The following DPYD variants were observed in gnomAD, a reference collection of about 807,000 sequenced individuals.
DPYD encodes the protein dihydropyrimidine dehydrogenase, also known as dihydropyrimidine dehydrogenase [NADP(+)].
In DPYD, 109 loss-of-function variants were observed where a neutral mutation model predicts 116.2. The observed-to-expected ratio is 0.94, with a 90% CI of 0.80 to 1.10. The LOEUF (loss-of-function observed/expected upper bound fraction) is 1.10. DPYD is among the 50% of genes least tolerant of loss of function. DPYD has a pLI of 0.00. For synonymous variants in DPYD, 440 were observed against 432.0 expected (o/e 1.02, Z -0.23); for missense variants, 1,302 against 1,254.5 (o/e 1.04, Z -0.57).
chr1:97,912,192 T>C (rs1673975466), intron 1 of DPYD, among the ~76,000 whole-genome samples: 1 of 150,538 alleles, frequency 6.6e-6, no homozygotes, highest in Non-Finnish European at 1.5e-5. Context: ...AGTTGAAGCA[T>C]GCAAACGAGA....
chr1:97,690,436 T>C lies in DPYD; in HGVS notation c.762+1281A>G, dbSNP rs367642506. 1.6e-4 allele frequency among the ~76,000 whole-genome samples: 24 copies of C among 151,964 alleles called. No individual in the cohort carries two copies. In the East Asian group the frequency reaches 2.7e-3, roughly 17 times the overall value. ...AAATAAAGCCTAATTTCTTTTTTCA[T>C]TTTTTATTAATATATAATAATTTTA... is the stretch of plus-strand genomic sequence containing the variant. On this transcript the variant is annotated intron_variant, in intron 7 of 22. Transcript: ENST00000370192.
intron 22 of DPYD, among the ~76,000 whole-genome samples, chr1:97,080,816 A>C (rs2101553496): frequency 6.6e-6 from 1 of 152,260 alleles, no homozygotes; most frequent in South Asian, 2.1e-4. Context: ...AGAATCAAAG[A>C]ACTTTCTAAG....
intron 13 of DPYD, among the ~76,000 whole-genome samples, chr1:97,467,571 G>C (rs1677403514): frequency 6.6e-6 from 1 of 152,148 alleles, no homozygotes; most frequent in African/African-American, 2.4e-5. Flanking sequence ...TGAGTTGCCT[G>C]ATCTTCTTTG....
At chr1:97,399,267 C>T (rs1415772767) in intron 14 of DPYD, among the ~76,000 whole-genome samples, 1 of 152,002 alleles carries the variant, frequency 6.6e-6, no homozygotes, top group African/African-American at 2.4e-5. Flanking sequence ...AGATGTGTGG[C>T]ATTATTTCTG....
intron 18 of DPYD, among the ~76,000 whole-genome samples, chr1:97,247,733 T>C (rs1034596248): frequency 1.3e-5 from 2 of 152,112 alleles, no homozygotes; most frequent in African/African-American, 4.8e-5. Flanking sequence ...AGCAATGTCA[T>C]ACAATAAACT....
intron 18 of DPYD, among the ~76,000 whole-genome samples, chr1:97,287,779 G>A (rs1207127989): frequency 1.1e-4 from 16 of 152,052 alleles, no homozygotes; most frequent in Non-Finnish European, 1.5e-4. Context: ...TAAGCCTGTC[G>A]GAAACTCTCA....
intron 18 of DPYD, among the ~76,000 whole-genome samples, chr1:97,272,576 C>T (rs553186978): frequency 1.2e-4 from 19 of 152,082 alleles, no homozygotes; most frequent in Non-Finnish European, 2.2e-4. Context: ...ACTATAATTA[C>T]ATATATTCAA....
rs140545552 is a variant in DPYD, at chr1:97,132,818, T to C, written c.2623-34186A>G. ...TAAGCAATGATGAAGAGAACTTCTA[T>C]ATGCACATTAAAATATATTTTGGAT... On this transcript the variant is annotated intron_variant, in intron 20 of 22. Transcript: ENST00000370192. Among the ~76,000 whole-genome samples, 7 of 152,248 alleles carry C rather than the reference T, an allele frequency of 4.6e-5. No homozygotes were observed. The East Asian group carries it at 1.2e-3, about 25-fold the overall frequency.
At chr1:97,684,653 T>C (rs1660619872) in intron 7 of DPYD, among the ~76,000 whole-genome samples, 1 of 151,080 alleles carries the variant, frequency 6.6e-6, no homozygotes, top group Admixed American at 6.6e-5. Context: ...TAAAAAATGA[T>C]AAAGGGGATA....
chr1:97,189,712 A>C (rs1049452672), intron 20 of DPYD, among the ~76,000 whole-genome samples: 1 of 152,178 alleles, frequency 6.6e-6, no homozygotes, highest in African/African-American at 2.4e-5. Context: ...GCCCATAGTT[A>C]AAACCTTTGG....
At chr1:97,494,038 T>C (rs979967973) in intron 13 of DPYD, among the ~76,000 whole-genome samples, 1 of 152,188 alleles carries the variant, frequency 6.6e-6, no homozygotes, top group Non-Finnish European at 1.5e-5. Flanking sequence ...TTATGACATC[T>C]ACCACAGTGA....
At chr1:97,365,808 G>A (rs1671001887) in intron 16 of DPYD, among the ~76,000 whole-genome samples, 1 of 152,074 alleles carries the variant, frequency 6.6e-6, no homozygotes, top group Non-Finnish European at 1.5e-5. Context: ...TTGTGTGTGT[G>A]TTTTTAGCAG....
At chr1:97,525,668 G>C (rs1648996090) in intron 12 of DPYD, among the ~76,000 whole-genome samples, 1 of 152,010 alleles carries the variant, frequency 6.6e-6, no homozygotes, top group Admixed American at 6.6e-5. Flanking sequence ...CTAACATAGA[G>C]TGGCATTGAA....
At chr1:97,281,557 C>A in intron 18 of DPYD, among the ~76,000 whole-genome samples, 1 of 125,892 alleles carries the variant, frequency 7.9e-6, no homozygotes, top group East Asian at 2.1e-4. Flanking sequence ...AATTTTATAC[C>A]CAATCAAATT....
chr1:97,314,836 A>T, intron 16 of DPYD, among the ~76,000 whole-genome samples: 1 of 151,958 alleles, frequency 6.6e-6, no homozygotes, highest in South Asian at 2.1e-4. Context: ...CTGCCCAAAT[A>T]AACAGATCAA....
At chr1:97,454,891 T>C (rs1676601353) in intron 13 of DPYD, among the ~76,000 whole-genome samples, 1 of 151,830 alleles carries the variant, frequency 6.6e-6, no homozygotes, top group East Asian at 1.9e-4. Flanking sequence ...CAAAGTTGGA[T>C]GAAAACAAGA....
chr1:97,896,880 T>G (rs367674506), intron 1 of DPYD, among the ~76,000 whole-genome samples: 2 of 151,874 alleles, frequency 1.3e-5, no homozygotes, highest in Non-Finnish European at 2.9e-5. Flanking sequence ...ATTTTACTTG[T>G]ATATGTGTTA....
chr1:97,263,914 C>A lies in DPYD; in HGVS notation c.2300-28920G>T, dbSNP rs1197027825. Among the ~76,000 whole-genome samples, 4 of 152,114 alleles carry A rather than the reference C, an allele frequency of 2.6e-5. No individual in the cohort carries two copies. The East Asian group carries it at 5.8e-4, about 22-fold the overall frequency. On this transcript the variant is annotated intron_variant, in intron 18 of 22. Transcript: ENST00000370192. ...CATACTTCAGATAATTGAAAAATTA[C>A]CCCCTTCATTTGATGATCAAAATTT... is the stretch of plus-strand genomic sequence containing the variant.
chr1:97,758,748 C>G (rs142896513), intron 3 of DPYD, among the ~76,000 whole-genome samples: 132 of 152,264 alleles, frequency 8.7e-4, no homozygotes, highest in African/African-American at 3.1e-3. Context: ...ACCTTCACTA[C>G]AGTCAGCAAT....
Sources: gnomAD v4.1 joint callset for allele counts (sites outside exome capture counted in the v4.1 genomes callset) on GRCh38, gnomAD v4.1.1 for gene constraint, MANE v1.5 for transcripts, NCBI Gene and HGNC (gene_info 2026-07-23, HGNC 2026-07-21) for gene names.